Variants in RSRC1 observed in about 807,000 individuals in gnomAD.
RSRC1 encodes serine/Arginine-related protein 53.
A neutral mutation model predicts 49.1 loss-of-function variants in RSRC1; 39 were observed. The observed-to-expected ratio is 0.79, with a 90% CI of 0.61 to 1.04. RSRC1 has a LOEUF of 1.04. Ranked by LOEUF, RSRC1 falls within the 50% of genes least tolerant of loss-of-function variation. The pLI is 0.00. For synonymous variants in RSRC1, 143 were observed against 130.8 expected (o/e 1.09, Z -0.63); for missense variants, 388 against 402.4 (o/e 0.96, Z 0.31).
chr3:158,120,654 T>C (rs1451552143), intron 1 of RSRC1, among the ~76,000 whole-genome samples: 1 of 147,152 alleles, frequency 6.8e-6, no homozygotes, highest in East Asian at 1.9e-4. Flanking sequence ...ATACATAATA[T>C]ATATTTAATA....
chr3:158,256,153 A>C (rs888628276), intron 4 of RSRC1, among the ~76,000 whole-genome samples: 16 of 152,082 alleles, frequency 1.1e-4, no homozygotes, highest in African/African-American at 3.6e-4. Context: ...TTTCAGAGGG[A>C]ATGCTTCCAG....
At chr3:158,414,862 G>A (rs1033622874) in intron 6 of RSRC1, among the ~76,000 whole-genome samples, 1 of 151,880 alleles carries the variant, frequency 6.6e-6, no homozygotes, top group Non-Finnish European at 1.5e-5. Context: ...AGGCTTTCTC[G>A]AATTTGATTG....
In RSRC1 at chr3:158,440,891, G is replaced by A. The variant is rs575690935; in HGVS notation, c.584-20044G>A. On this transcript the variant is annotated intron_variant, in intron 6 of 9. Transcript: ENST00000611884. ...CAGGAGGCAGAGCTTGCAGAGACCC[G>A]AGATCACCCCATTGCATTCCAGCCT... 9.9e-5 allele frequency among the ~76,000 whole-genome samples: 15 copies of A among 152,062 alleles called. No homozygotes were observed. In the East Asian group the frequency reaches 2.9e-3, roughly 29 times the overall value.
chr3:158,310,271 G>A (rs1425775211), intron 5 of RSRC1, among the ~76,000 whole-genome samples: 7 of 151,212 alleles, frequency 4.6e-5, no homozygotes, highest in Admixed American at 6.6e-5. Flanking sequence ...CCTTGTAATC[G>A]TTGTCTTTGC....
At chr3:158,416,432 G>C (rs1734740125) in intron 6 of RSRC1, among the ~76,000 whole-genome samples, 1 of 151,888 alleles carries the variant, frequency 6.6e-6, no homozygotes, top group Non-Finnish European at 1.5e-5. Context: ...TTGTCTCTTG[G>C]GCCACTTGCT....
intron 7 of RSRC1, among the ~76,000 whole-genome samples, chr3:158,476,765 T>A (rs1166882954): frequency 6.6e-6 from 1 of 152,186 alleles, no homozygotes; most frequent in African/African-American, 2.4e-5. Context: ...AAAGAACTAA[T>A]TTCAACTTTT....
At chr3:158,393,171 T>G (rs999023281) in intron 6 of RSRC1, among the ~76,000 whole-genome samples, 3 of 151,920 alleles carry the variant, frequency 2.0e-5, no homozygotes, top group Non-Finnish European at 2.9e-5. Context: ...TAAATCAGTG[T>G]TAAGAGGAAA....
At chr3:158,134,932 A>G (rs1716270528) in intron 3 of RSRC1, among the ~76,000 whole-genome samples, 2 of 152,168 alleles carry the variant, frequency 1.3e-5, no homozygotes, top group African/African-American at 4.8e-5. Context: ...AGTGTGTAAA[A>G]CATTTGAAAT....
At chr3:158,359,661 G>C (rs1174461001) in intron 6 of RSRC1, among the ~76,000 whole-genome samples, 1 of 152,192 alleles carries the variant, frequency 6.6e-6, no homozygotes, top group African/African-American at 2.4e-5. Context: ...CCACAGTCCT[G>C]GTTCTAGGAG....
At chr3:158,124,688 T>A (rs1304360435) in intron 3 of RSRC1, among the ~76,000 whole-genome samples, 1 of 152,214 alleles carries the variant, frequency 6.6e-6, no homozygotes, top group Non-Finnish European at 1.5e-5. Flanking sequence ...TTTTTCTAGG[T>A]TATCCAGTTT....
At chr3:158,528,928 T>C (rs1712210532) in intron 7 of RSRC1, among the ~76,000 whole-genome samples, 2 of 151,920 alleles carry the variant, frequency 1.3e-5, no homozygotes, top group African/African-American at 4.8e-5. Context: ...GAAACCATTC[T>C]TGTTTTTTGT....
intron 7 of RSRC1, among the ~76,000 whole-genome samples, chr3:158,480,402 T>C (rs1480163057): frequency 6.6e-6 from 1 of 152,056 alleles, no homozygotes; most frequent in Non-Finnish European, 1.5e-5. Context: ...CTATAATTTA[T>C]TTAAAGTCAA....
At chr3:158,260,049 G>A (rs184558350) in intron 4 of RSRC1, among the ~76,000 whole-genome samples, 1 of 152,076 alleles carries the variant, frequency 6.6e-6, no homozygotes, top group African/African-American at 2.4e-5. Context: ...AGGACCCCAG[G>A]TGTCCACTTG....
intron 7 of RSRC1, among the ~76,000 whole-genome samples, chr3:158,477,863 C>T (rs1163669867): frequency 4.3e-5 from 6 of 139,952 alleles, no homozygotes; most frequent in Non-Finnish European, 6.1e-5. Flanking sequence ...TGAGCAAAGT[C>T]GAAGTAAGAA....
chr3:158,396,170 C>G (rs1733598676), intron 6 of RSRC1, among the ~76,000 whole-genome samples: 1 of 151,982 alleles, frequency 6.6e-6, no homozygotes, highest in South Asian at 2.1e-4. Context: ...AATGGAACAG[C>G]AGACACCAGG....
At chr3:158,120,340 C>G (rs1480689302) in intron 1 of RSRC1, among the ~76,000 whole-genome samples, 1 of 151,790 alleles carries the variant, frequency 6.6e-6, no homozygotes, top group East Asian at 1.9e-4. Context: ...AATTCTGGCT[C>G]TAGGTAAATA....
At chr3:158,464,491 ATTATT>A (rs1737777214) in intron 7 of RSRC1, among the ~76,000 whole-genome samples, 2 of 152,152 alleles carry the variant, frequency 1.3e-5, no homozygotes, top group South Asian at 4.1e-4. Context: ...CCCTTTCTAA[ATTATT>A]CATGGGAATG....
intron 4 of RSRC1, among the ~76,000 whole-genome samples, chr3:158,241,095 G>A (rs945680199): frequency 2.0e-5 from 3 of 152,136 alleles, no homozygotes; most frequent in African/African-American, 7.2e-5. Context: ...TGTAGGGTTT[G>A]ATACTATCCA....
chr3:158,348,052 C>T (rs965650354), intron 5 of RSRC1, among the ~76,000 whole-genome samples: 7 of 152,086 alleles, frequency 4.6e-5, no homozygotes, highest in African/African-American at 1.2e-4. Flanking sequence ...TTCTTTGTTA[C>T]CCTATCTTAA....
Sources: gnomAD v4.1 joint callset for allele counts (sites outside exome capture counted in the v4.1 genomes callset) on GRCh38, gnomAD v4.1.1 for gene constraint, MANE v1.5 for transcripts, NCBI Gene and HGNC (gene_info 2026-07-23, HGNC 2026-07-21) for gene names.